FRMD3: variants seen among roughly 807,000 people sequenced by gnomAD.
FRMD3 encodes FERM domain containing 3.
FRMD3 carries 33 observed loss-of-function variants against 70.2 expected under a neutral mutation model. That is an observed-to-expected ratio of 0.47 (90% CI 0.36 to 0.63). FRMD3 has a LOEUF of 0.63. Among genes scored for constraint, FRMD3 ranks in the 20% least tolerant of loss-of-function variants. The pLI is 0.00. For missense variants in FRMD3, 632 were observed against 711.4 expected, an observed-to-expected ratio of 0.89 and a Z score of 1.27; for synonymous variants, 279 against 255.9, an observed-to-expected ratio of 1.09 and a Z score of -0.86.
chr9:83,255,123 A>C (rs1015299988), intron 13 of FRMD3, among the ~76,000 whole-genome samples: 2 of 152,122 alleles, frequency 1.3e-5, no homozygotes, highest in African/African-American at 2.4e-5. Context: ...TTGATGCAAA[A>C]CTCCTCAATA....
intron 1 of FRMD3, among the ~76,000 whole-genome samples, chr9:83,490,798 TCACACACACA>T (rs60065758): frequency 3.6e-5 from 4 of 110,716 alleles, no homozygotes; most frequent in African/African-American, 1.1e-4. Context: ...TCTCTCTCTC[TCACACACACA>T]CACACACACA....
chr9:83,405,532 C>T lies in FRMD3; in HGVS notation c.148-15824G>A, dbSNP rs148433080. On this transcript the variant is annotated intron_variant, in intron 1 of 13. Coordinates refer to ENST00000304195, the MANE Select transcript of FRMD3 (RefSeq NM_174938.6). Reference sequence around the variant, plus strand: ...ATCCCAGCACTTTGGGAGGCCGAGGCAGGTAGATCACCTGAGGTTGGGAGT... The same window carrying T: ...ATCCCAGCACTTTGGGAGGCCGAGGTAGGTAGATCACCTGAGGTTGGGAGT... Among the ~76,000 whole-genome samples, 272 of 151,636 alleles carry T rather than the reference C, an allele frequency of 1.8e-3. 7 individuals carry two copies. The East Asian group carries it at 0.045, about 25-fold the overall frequency.
intron 3 of FRMD3, among the ~76,000 whole-genome samples, chr9:83,360,154 AAGGTT>A (rs1156960204): frequency 6.6e-6 from 1 of 152,186 alleles, no homozygotes; most frequent in Non-Finnish European, 1.5e-5. Flanking sequence ...TTTTAGCCAA[AAGGTT>A]AGCAAGAACA....
intron 1 of FRMD3, among the ~76,000 whole-genome samples, chr9:83,496,788 A>C (rs1564104685): frequency 6.6e-6 from 1 of 152,202 alleles, no homozygotes; most frequent in African/African-American, 2.4e-5. Flanking sequence ...TACAAAACTA[A>C]AAACAAACAA....
chr9:83,478,213 G>C (rs552029365), intron 1 of FRMD3, among the ~76,000 whole-genome samples: 54 of 152,324 alleles, frequency 3.5e-4, no homozygotes, highest in Non-Finnish European at 5.1e-4. Context: ...CAATGGCTTG[G>C]AGACAGCCAC....
At chr9:83,538,534 C>T (rs536319251), upstream of FRMD3, 28 of 253,842 alleles carry the variant, frequency 1.1e-4, no homozygotes, top group African/African-American at 6.0e-4. This position sits in a 1 kb window ranked among gnomAD's most constrained non-coding sequence, Gnocchi z 4.7. Flanking sequence ...CTGAGACCCC[C>T]GGCGGGCTCG....
chr9:83,457,428 A>G (rs746665172), intron 1 of FRMD3, among the ~76,000 whole-genome samples: 2 of 152,170 alleles, frequency 1.3e-5, no homozygotes, highest in Non-Finnish European at 2.9e-5. Flanking sequence ...TGACCCCATG[A>G]TTGTCCTGTC....
chr9:83,312,078 A>G lies in FRMD3; in HGVS notation c.685-103T>C, dbSNP rs151252084. On this transcript the variant is annotated intron_variant, in intron 7 of 13. Coordinates refer to ENST00000304195, the MANE Select transcript of FRMD3 (RefSeq NM_174938.6). ...TTCATCCTCACCCTAGGTTAATTTT[A>G]GACTAATCCCAATGATTGTAGCAAT... 7.1e-5 allele frequency: 58 copies of G among 820,028 alleles called. No individual in the cohort carries two copies. The African/African-American group carries it at 9.0e-4, about 13-fold the overall frequency. The allele number at this position is 820,028 out of a possible 1,614,324, so 50.8% of individuals were successfully genotyped here.
chr9:83,408,170 C>T (rs1826180233), intron 1 of FRMD3, among the ~76,000 whole-genome samples: 1 of 152,132 alleles, frequency 6.6e-6, no homozygotes, highest in African/African-American at 2.4e-5. Context: ...TAAACATGTC[C>T]TCTCAACGAG....
At chr9:83,453,468 A>T (rs1197076702) in intron 1 of FRMD3, among the ~76,000 whole-genome samples, 1 of 152,184 alleles carries the variant, frequency 6.6e-6, no homozygotes, top group Non-Finnish European at 1.5e-5. Flanking sequence ...TGGATACGGG[A>T]TATGTTAACC....
chr9:83,570,317 G>A, the FRMD3 span, among the ~76,000 whole-genome samples: 1 of 152,174 alleles, frequency 6.6e-6, no homozygotes, highest in African/African-American at 2.4e-5. Flanking sequence ...GCAGGGAAAG[G>A]AAAAGGGGGT....
intron 1 of FRMD3, among the ~76,000 whole-genome samples, chr9:83,430,515 A>G (rs1054356095): frequency 1.3e-5 from 2 of 152,246 alleles, no homozygotes; most frequent in Non-Finnish European, 2.9e-5. Flanking sequence ...GTAAGCTGGC[A>G]GATCATAAGT....
the FRMD3 span, among the ~76,000 whole-genome samples, chr9:83,549,043 G>C: frequency 3.3e-5 from 5 of 151,922 alleles, no homozygotes; most frequent in African/African-American, 7.2e-5. Context: ...CATATTACTA[G>C]ATCGCCCAAG....
chr9:83,443,115 C>G (rs1234816403), intron 1 of FRMD3, among the ~76,000 whole-genome samples: 1 of 152,058 alleles, frequency 6.6e-6, no homozygotes, highest in Admixed American at 6.6e-5. Context: ...TTATCTTTCA[C>G]TTTTTTTGTA....
intron 1 of FRMD3, among the ~76,000 whole-genome samples, chr9:83,395,786 T>G (rs533941208): frequency 2.7e-5 from 4 of 147,378 alleles, no homozygotes; most frequent in Non-Finnish European, 4.5e-5. Flanking sequence ...AAAAAAAAAG[T>G]CTGGCAGATT....
intron 1 of FRMD3, among the ~76,000 whole-genome samples, chr9:83,451,853 CTATTA>C (rs1827668018): frequency 6.6e-6 from 1 of 152,162 alleles, no homozygotes; most frequent in East Asian, 1.9e-4. Flanking sequence ...CAATTTATAA[CTATTA>C]TAACTAATAA....
intron 1 of FRMD3, among the ~76,000 whole-genome samples, chr9:83,412,571 C>G (rs1397807969): frequency 2.0e-5 from 3 of 152,196 alleles, no homozygotes; most frequent in African/African-American, 7.2e-5. Flanking sequence ...CACTATAATA[C>G]TATTAAGACA....
intron 5 of FRMD3, among the ~76,000 whole-genome samples, chr9:83,337,773 C>T (rs1823627720): frequency 6.6e-6 from 1 of 152,176 alleles, no homozygotes; most frequent in Admixed American, 6.5e-5. Context: ...AGGAGGAAAT[C>T]AAAGCTCTTT....
At position 83,343,179 on chromosome 9, in the gene FRMD3, G is replaced by A; in HGVS notation, c.472+11C>T. On this transcript the variant is annotated intron_variant, in intron 5 of 13. Coordinates refer to ENST00000304195, the MANE Select transcript of FRMD3 (RefSeq NM_174938.6). ...GCAAAGGTGGCGTGGGTGAGCTGTG[G>A]CCAGACTTACCTTGAACAATACAGG... 6.3e-7 allele frequency: 1 copy of A among 1,592,748 alleles called. No individual in the cohort carries two copies. The highest frequency in any genetic ancestry group is 8.6e-7 in the Non-Finnish European group (1 of 1,160,436).
Sources: allele counts gnomAD v4.1 joint callset (sites outside exome capture counted in the v4.1 genomes callset), GRCh38; gene constraint gnomAD v4.1.1; non-coding constraint Gnocchi (gnomAD v3.1); transcripts MANE v1.5; gene names NCBI Gene and HGNC (gene_info 2026-07-23, HGNC 2026-07-21).